The following ROBO1 variants were observed in gnomAD, a reference collection of about 807,000 sequenced individuals.
ROBO1 encodes the protein roundabout homolog 1.
Under a neutral mutation model 195.9 loss-of-function variants are expected in ROBO1, and 149 were observed. That is an observed-to-expected ratio of 0.76 (90% CI 0.67 to 0.87). The LOEUF (loss-of-function observed/expected upper bound fraction) is 0.87. Among genes scored for constraint, ROBO1 ranks in the 40% least tolerant of loss-of-function variants. The pLI, the probability that ROBO1 is intolerant of heterozygous loss-of-function variation, is 0.00. For missense variants in ROBO1, 1,933 were observed against 2,068.3 expected, an observed-to-expected ratio of 0.93 and a Z score of 1.27; for synonymous variants, 816 against 733.2, an observed-to-expected ratio of 1.11 and a Z score of -1.82.
chr3:78,868,496 G>A (rs375996662), intron 4 of ROBO1, among the ~76,000 whole-genome samples: 9 of 152,144 alleles, frequency 5.9e-5, no homozygotes, highest in Admixed American at 2.0e-4. Context: ...TAGTGGCATC[G>A]CTTTTAATAT....
intron 2 of ROBO1, among the ~76,000 whole-genome samples, chr3:79,398,317 A>C (rs2037228611): frequency 6.6e-6 from 1 of 152,190 alleles, no homozygotes; most frequent in Non-Finnish European, 1.5e-5. Flanking sequence ...GAATTACACT[A>C]AAATCATGTC....
chr3:79,121,482 C>G (rs765087735), intron 3 of ROBO1, among the ~76,000 whole-genome samples: 4 of 151,878 alleles, frequency 2.6e-5, no homozygotes, highest in Non-Finnish European at 5.9e-5. Context: ...TCCTTCTAAA[C>G]AATCATTACC....
At chr3:79,044,814 T>G (rs2078559402) in intron 3 of ROBO1, among the ~76,000 whole-genome samples, 1 of 152,066 alleles carries the variant, frequency 6.6e-6, no homozygotes, top group Non-Finnish European at 1.5e-5. Flanking sequence ...AATGGATACA[T>G]AAGAGTTGTA....
intron 2 of ROBO1, among the ~76,000 whole-genome samples, chr3:79,537,021 C>A (rs1559973514): frequency 7.4e-6 from 1 of 134,756 alleles, no homozygotes; most frequent in Non-Finnish European, 1.6e-5. Flanking sequence ...CTTATACTCA[C>A]AGTAAAAGAA....
chr3:78,749,424 CA>C (rs1178846527), intron 4 of ROBO1, among the ~76,000 whole-genome samples: 1 of 152,044 alleles, frequency 6.6e-6, no homozygotes, highest in Non-Finnish European at 1.5e-5. Context: ...GAAAAACTAA[CA>C]AAATGTAATC....
intron 2 of ROBO1, among the ~76,000 whole-genome samples, chr3:79,143,920 G>C (rs1467748582): frequency 6.6e-6 from 1 of 151,560 alleles, no homozygotes; most frequent in Admixed American, 6.6e-5. Context: ...TTTTGAGAAT[G>C]TTCTATAAAT....
chr3:78,820,639 A>G (rs2030799913), intron 4 of ROBO1, among the ~76,000 whole-genome samples: 3 of 152,128 alleles, frequency 2.0e-5, no homozygotes, highest in Admixed American at 2.0e-4. Flanking sequence ...TGTGTTCTCC[A>G]CTCTGGAATT....
intron 24 of ROBO1, among the ~76,000 whole-genome samples, chr3:78,631,658 G>A (rs915247558): frequency 6.6e-6 from 1 of 151,996 alleles, no homozygotes; most frequent in Admixed American, 6.6e-5. Flanking sequence ...TTAATTGCTG[G>A]AACTTAAAAT....
intron 2 of ROBO1, among the ~76,000 whole-genome samples, chr3:79,291,824 C>T (rs1423531079): frequency 6.6e-6 from 1 of 152,078 alleles, no homozygotes; most frequent in East Asian, 1.9e-4. Flanking sequence ...CCATAAATGG[C>T]CCCAAGTTTT....
intron 3 of ROBO1, among the ~76,000 whole-genome samples, chr3:79,061,024 T>C (rs1026579373): frequency 2.6e-5 from 4 of 152,088 alleles, no homozygotes; most frequent in Admixed American, 2.6e-4. Context: ...GAGAAATAAA[T>C]AAAGGGTATT....
chr3:79,099,578 T>C (rs2079636940), intron 3 of ROBO1, among the ~76,000 whole-genome samples: 1 of 151,718 alleles, frequency 6.6e-6, no homozygotes, highest in Admixed American at 6.6e-5. Flanking sequence ...TGTAGCTCAA[T>C]GGAAAAAAAT....
chr3:79,289,870 GC>G lies in ROBO1; in HGVS notation c.89-164332del, dbSNP rs541110092. On this transcript the variant is annotated intron_variant, in intron 2 of 30. Transcript: ENST00000464233. The stretch of plus-strand genomic sequence containing the variant: ...GGTTATTACAGCCTATGTCACATAG[GC>G]TGAGATATTATTTTCTACCTATGTC... Among the ~76,000 whole-genome samples the G allele has an allele frequency of 9.6e-4, 146 of 152,092 alleles. 1 individual carries two copies. The highest frequency in any genetic ancestry group is 3.5e-3 in the African/African-American group (145 of 41,488).
chr3:79,501,681 T>G (rs1223633867), intron 2 of ROBO1, among the ~76,000 whole-genome samples: 1 of 152,244 alleles, frequency 6.6e-6, no homozygotes, highest in Non-Finnish European at 1.5e-5. Flanking sequence ...TATCCTGTAC[T>G]GATTAAATTA....
At chr3:79,018,303 T>G in intron 3 of ROBO1, 10 of 1,299,700 alleles carry the variant, frequency 7.7e-6, no homozygotes, top group South Asian at 1.2e-5. Context: ...CCTCCGGCCT[T>G]AGGAGGGAGG....
At chr3:78,870,837 T>C (rs2035502344) in intron 4 of ROBO1, among the ~76,000 whole-genome samples, 1 of 152,124 alleles carries the variant, frequency 6.6e-6, no homozygotes, top group African/African-American at 2.4e-5. Flanking sequence ...ACCTGAATCT[T>C]TGGACCTGGC....
chr3:78,639,932 T>C (rs757135762), intron 21 of ROBO1, 34 bp from the exon 22 acceptor site: 66 of 1,470,292 alleles, frequency 4.5e-5, no homozygotes, highest in Non-Finnish European at 5.4e-5. Flanking sequence ...GCAAATGTTA[T>C]ATGAATAGAG....
At chr3:78,867,476 A>G (rs1039918921) in intron 4 of ROBO1, among the ~76,000 whole-genome samples, 1 of 152,168 alleles carries the variant, frequency 6.6e-6, no homozygotes, top group African/African-American at 2.4e-5. Flanking sequence ...TCTTTTCAGT[A>G]AGACACATCT....
intron 1 of ROBO1, among the ~76,000 whole-genome samples, chr3:79,685,056 T>C (rs1030246078): frequency 3.9e-5 from 6 of 152,266 alleles, no homozygotes; most frequent in African/African-American, 1.4e-4. Context: ...TTTTATTGTT[T>C]TGTGGTAGTT....
intron 4 of ROBO1, among the ~76,000 whole-genome samples, chr3:78,775,842 A>C (rs949895282): frequency 6.6e-6 from 1 of 152,192 alleles, no homozygotes; most frequent in Admixed American, 6.5e-5. Flanking sequence ...CTGTTGATTT[A>C]GCCAGTTTCT....
Sources: allele counts gnomAD v4.1 joint callset (sites outside exome capture counted in the v4.1 genomes callset), GRCh38; gene constraint gnomAD v4.1.1; transcripts MANE v1.5; gene names NCBI Gene and HGNC (gene_info 2026-07-23, HGNC 2026-07-21).